Variants in SNX29 observed in about 807,000 individuals in gnomAD.
The protein encoded by SNX29 is sorting nexin-29.
SNX29 carries 78 observed loss-of-function variants against 102.1 expected under a neutral mutation model. The ratio of observed to expected loss-of-function variants is 0.76; its 90% CI spans 0.64 to 0.92. The LOEUF (loss-of-function observed/expected upper bound fraction) is 0.92. Ranked by LOEUF, SNX29 falls within the 40% of genes least tolerant of loss-of-function variation. The probability of loss-of-function intolerance (pLI) is 0.00; values close to 1 mark genes in which losing one functional copy is unlikely to be tolerated. For missense variants in SNX29, 1,280 were observed against 1,061.7 expected (o/e 1.21, Z -2.86); for synonymous variants, 580 against 414.5 (o/e 1.40, Z -4.85).
intron 15 of SNX29, among the ~76,000 whole-genome samples, chr16:12,280,619 G>A (rs1048800515): frequency 6.6e-6 from 1 of 152,142 alleles, no homozygotes; most frequent in African/African-American, 2.4e-5. Flanking sequence ...GTCCTCAAAC[G>A]GCATTTACTG....
chr16:12,325,347 C>A (rs2081083663), intron 15 of SNX29, among the ~76,000 whole-genome samples: 1 of 152,132 alleles, frequency 6.6e-6, no homozygotes, highest in African/African-American at 2.4e-5. Flanking sequence ...AAAGCCAATG[C>A]CAGGTAGAAG....
chr16:12,352,308 T>A (rs1235813064), intron 15 of SNX29, among the ~76,000 whole-genome samples: 9 of 150,672 alleles, frequency 6.0e-5, no homozygotes, highest in Non-Finnish European at 1.3e-4. Flanking sequence ...TAGGTGGGAG[T>A]TGAACAATGA....
At chr16:12,326,981 G>A (rs1034874908) in intron 15 of SNX29, among the ~76,000 whole-genome samples, 1 of 152,188 alleles carries the variant, frequency 6.6e-6, no homozygotes, top group Non-Finnish European at 1.5e-5. Context: ...GAAGGCTTTG[G>A]GGGCGTGGCT....
At chr16:12,363,188 C>A (rs974330568) in intron 16 of SNX29, among the ~76,000 whole-genome samples, 1 of 152,206 alleles carries the variant, frequency 6.6e-6, no homozygotes, top group Non-Finnish European at 1.5e-5. Flanking sequence ...CAGGGGATAC[C>A]CCATTATTGC....
chr16:11,999,162 A>G (rs892371394), intron 1 of SNX29, 135 bp from the exon 2 acceptor site: 73 of 744,208 alleles, frequency 9.8e-5, no homozygotes, highest in Non-Finnish European at 9.9e-5. Flanking sequence ...GCCAAACTTC[A>G]TTGTAATGAT....
intron 15 of SNX29, among the ~76,000 whole-genome samples, chr16:12,341,279 T>G (rs1701519027): frequency 1.3e-5 from 2 of 152,208 alleles, no homozygotes; most frequent in African/African-American, 2.4e-5. Context: ...TGTATGACCT[T>G]GAACAAATGA....
chr16:12,530,134 C>G (rs960581565), intron 20 of SNX29, among the ~76,000 whole-genome samples: 1 of 152,234 alleles, frequency 6.6e-6, no homozygotes, highest in African/African-American at 2.4e-5. Context: ...ACTTGGCCCT[C>G]TAAGGCAGGT....
At chr16:12,553,438 G>C (rs550339156) in intron 20 of SNX29, among the ~76,000 whole-genome samples, 1 of 152,190 alleles carries the variant, frequency 6.6e-6, no homozygotes, top group Non-Finnish European at 1.5e-5. Flanking sequence ...ACTCCAACCT[G>C]CTGAGCATGG....
At chr16:12,529,515 G>A (rs552158815) in intron 20 of SNX29, among the ~76,000 whole-genome samples, 1 of 152,280 alleles carries the variant, frequency 6.6e-6, no homozygotes, top group South Asian at 2.1e-4. Flanking sequence ...TATTAAAATG[G>A]TTTTCTGCAG....
At chr16:12,403,996 G>C (rs907393650) in intron 18 of SNX29, among the ~76,000 whole-genome samples, 1 of 152,152 alleles carries the variant, frequency 6.6e-6, no homozygotes, top group South Asian at 2.1e-4. Flanking sequence ...GGTCTCACTG[G>C]TGTGTCCTGG....
chr16:12,466,985 G>A (rs117567138), intron 18 of SNX29, among the ~76,000 whole-genome samples: 2 of 152,344 alleles, frequency 1.3e-5, no homozygotes, highest in East Asian at 1.9e-4. Context: ...CAGAAATTCA[G>A]TGAGTTAGGG....
Position 12,356,203 on chromosome 16 carries a change from G to T in SNX29, c.1823G>T (p.Arg608Leu), listed in dbSNP as rs375172855. The T allele has an allele frequency of 1.9e-6, 3 of 1,613,378 alleles. No homozygotes were observed. The highest frequency in any genetic ancestry group is 4.5e-5 in the East Asian group (2 of 44,848). The change falls in exon 16 of 21, where the codon CGC becomes CTC. Residue 608 changes from arginine (R) to leucine (L), a missense_variant. Coordinates refer to ENST00000566228, the MANE Select transcript of SNX29 (RefSeq NM_032167.5). The stretch of plus-strand genomic sequence containing the variant: ...GGCGAGCTGATTGAGTTCAACGAGC[G>T]CCTGCACAGGGCCCTGGTAGCCAAG... ...MHGELIEFNE[R>L]LHRALVAKEA...
chr16:12,456,768 A>C (rs917426795), intron 18 of SNX29, among the ~76,000 whole-genome samples: 1 of 152,108 alleles, frequency 6.6e-6, no homozygotes, highest in Admixed American at 6.5e-5. Flanking sequence ...GCCTCCTTTC[A>C]GGGAGAGGAT....
chr16:12,441,280 G>A (rs1007372622), intron 18 of SNX29, among the ~76,000 whole-genome samples: 3 of 151,756 alleles, frequency 2.0e-5, no homozygotes, highest in East Asian at 1.9e-4. Flanking sequence ...GGTAGAGACG[G>A]GGTTTCACTG....
At chr16:12,187,370 C>G (rs145463311) in intron 13 of SNX29, among the ~76,000 whole-genome samples, 1 of 152,086 alleles carries the variant, frequency 6.6e-6, no homozygotes, top group Non-Finnish European at 1.5e-5. Context: ...GTCTGGCCAG[C>G]GGGGCAAAAC....
rs1163121796 is a variant in SNX29 at position 12,573,288 on chromosome 16, C to G, written c.*4659C>G. On this transcript the variant is annotated 3_prime_UTR_variant, in exon 21 of 21. Transcript: ENST00000566228. ...TGGTATTCCTCACTCTAGCCATGAG[C>G]CATTGCCATCTTATGGGCCCGATTT... 4.4e-6 allele frequency: 1 copy of G among 227,132 alleles called. No homozygotes were observed. Among genetic ancestry groups the G allele is most frequent in the Non-Finnish European group, 8.7e-6 (1 of 114,368 alleles). 14.1% of individuals were successfully genotyped at this position (227,132 alleles called of 1,614,324 possible). A position where few individuals can be genotyped will look rare whatever the true frequency, so the allele number is the denominator to read the frequency against.
In SNX29 at chr16:12,126,670, G is replaced by A; in HGVS notation, c.1440G>A (p.Arg480=). 6.2e-7 allele frequency: 1 copy of A among 1,614,032 alleles called. No individual in the cohort carries two copies. Among genetic ancestry groups the A allele is most frequent in the Non-Finnish European group, 8.5e-7 (1 of 1,179,892 alleles). ...LRQATVAMMN[R]KDELEEENRS... ...AGGCCACTGTGGCCATGATGAACAG[G>A]AAGGATGAGCTGGAGGAGGAGAACA... The change falls in exon 12 of 21, where the codon AGG becomes AGA. Residue 480 remains arginine, a synonymous_variant. Transcript: ENST00000566228.
chr16:12,538,662 C>G (rs1000007982), intron 20 of SNX29, among the ~76,000 whole-genome samples: 2 of 152,118 alleles, frequency 1.3e-5, no homozygotes, highest in African/African-American at 4.8e-5. Flanking sequence ...CAGAAAGATC[C>G]ACAGATCTTT....
intron 14 of SNX29, among the ~76,000 whole-genome samples, chr16:12,266,904 C>T (rs1346776596): frequency 6.6e-6 from 1 of 152,118 alleles, no homozygotes; most frequent in Non-Finnish European, 1.5e-5. Context: ...GCTGGGATTA[C>T]AGACACCCGC....
Sources: gnomAD v4.1 joint callset for allele counts (sites outside exome capture counted in the v4.1 genomes callset) on GRCh38, gnomAD v4.1.1 for gene constraint, MANE v1.5 for transcripts, NCBI Gene and HGNC (gene_info 2026-07-23, HGNC 2026-07-21) for gene names.